The following PPARGC1B variants were observed in gnomAD, a reference collection of about 807,000 sequenced individuals.
PPARGC1B encodes the protein peroxisome proliferator-activated receptor gamma coactivator 1-beta.
PPARGC1B carries 34 observed loss-of-function variants against 101.6 expected under a neutral mutation model. The ratio of observed to expected loss-of-function variants is 0.33; its 90% CI spans 0.25 to 0.45. The LOEUF is 0.45. Ranked by LOEUF, PPARGC1B falls within the 20% of genes least tolerant of loss-of-function variation. PPARGC1B has a pLI of 1.00. For synonymous variants in PPARGC1B, 548 were observed against 539.3 expected (o/e 1.02, Z -0.22); for missense variants, 1,234 against 1,317.6 (o/e 0.94, Z 0.98).
rs139734342 is a variant in PPARGC1B, at chr5:149,801,270, C to T, written c.79-19163C>T. ...TAAATGCTTAATTTCCCAGTGTGCT[C>T]AGCTCCAGAAGCCTCTGTACCTTCA... On this transcript the variant is annotated intron_variant, in intron 1 of 11. Coordinates refer to ENST00000309241, the MANE Select transcript of PPARGC1B (RefSeq NM_133263.4). Among the ~76,000 whole-genome samples, 731 of 152,324 alleles carry T rather than the reference C, an allele frequency of 4.8e-3. 5 individuals are homozygous for T. Among genetic ancestry groups the T allele is most frequent in the African/African-American group, 0.017 (708 of 41,562 alleles).
intron 1 of PPARGC1B, among the ~76,000 whole-genome samples, chr5:149,813,079 A>G (rs1757924035): frequency 6.6e-6 from 1 of 152,092 alleles, no homozygotes; most frequent in Non-Finnish European, 1.5e-5. Flanking sequence ...TCAATTAGTA[A>G]CAGCTGCTGA....
At chr5:149,802,668 A>G (rs1757467996) in intron 1 of PPARGC1B, among the ~76,000 whole-genome samples, 1 of 150,936 alleles carries the variant, frequency 6.6e-6, no homozygotes, top group Non-Finnish European at 1.5e-5. Flanking sequence ...AGGCATACAC[A>G]GCTTTATCTC....
intron 10 of PPARGC1B, among the ~76,000 whole-genome samples, chr5:149,845,468 TC>T (rs1485460482): frequency 1.3e-5 from 2 of 152,210 alleles, no homozygotes; most frequent in Non-Finnish European, 2.9e-5. Flanking sequence ...AGAACCTCTT[TC>T]CTCATCTGCA....
chr5:149,785,973 G>A (rs374188418), intron 1 of PPARGC1B, among the ~76,000 whole-genome samples: 20 of 150,636 alleles, frequency 1.3e-4, no homozygotes, highest in Admixed American at 1.1e-3. Flanking sequence ...CCAGGCTAGA[G>A]TACAGTGGTG....
chr5:149,732,045 GGTGTGTGT>G (rs3042304), intron 1 of PPARGC1B, among the ~76,000 whole-genome samples: 25,049 of 148,912 alleles, frequency 0.17, 2,282 homozygotes, highest in Admixed American at 0.27. Flanking sequence ...TGCGCGCGCG[GGTGTGTGT>G]GTGTGTGTGT....
chr5:149,845,386 G>A (rs1345392156), intron 10 of PPARGC1B, among the ~76,000 whole-genome samples: 1 of 152,220 alleles, frequency 6.6e-6, no homozygotes, highest in East Asian at 1.9e-4. Flanking sequence ...AAGAGCATCA[G>A]CTTTAATGTC....
At position 149,851,150 on chromosome 5, in the gene PPARGC1B, G is replaced by T. The variant is rs1759748015; in HGVS notation, c.*3592G>T. ...GAATGCTCTGAGCTGCAAAGACCCA[G>T]TACTCAAGTTCTGACGTGGGAGGAG... On this transcript the variant is annotated 3_prime_UTR_variant, in exon 12 of 12. Coordinates refer to ENST00000309241, the MANE Select transcript of PPARGC1B (RefSeq NM_133263.4). 1 of 152,292 alleles carries T rather than the reference G, an allele frequency of 6.6e-6. No individual in the cohort carries two copies. Among genetic ancestry groups the T allele is most frequent in the African/African-American group, 2.4e-5 (1 of 41,460 alleles). The allele number at this position is 152,292 out of a possible 1,614,324, so 9.4% of individuals were successfully genotyped here. A position where few individuals can be genotyped will look rare whatever the true frequency, so the allele number is the denominator to read the frequency against.
chr5:149,782,432 G>A (rs868399980), intron 1 of PPARGC1B, among the ~76,000 whole-genome samples: 6 of 152,224 alleles, frequency 3.9e-5, no homozygotes, highest in African/African-American at 9.6e-5. Flanking sequence ...AGATCCAAAT[G>A]ACTCAGAAAT....
chr5:149,761,680 T>G (rs1280916769), intron 1 of PPARGC1B: 1 of 152,224 alleles, frequency 6.6e-6, no homozygotes, highest in Non-Finnish European at 1.5e-5. Context: ...TTGTGTAGCA[T>G]GGATGAACCT....
Position 149,835,420 on chromosome 5 carries a change from CTG to C in PPARGC1B, c.1807+56_1807+57del. On this transcript the variant is annotated intron_variant, in intron 7 of 11. Transcript: ENST00000309241. The stretch of plus-strand genomic sequence containing the variant: ...CCTTCAGGAAAACACCCGTGCATCT[CTG>C]AGTTTTTCATCATGCATGGGCAAGG... The C allele has an allele frequency of 2.0e-6, 3 of 1,508,426 alleles. No homozygotes were observed. In the Admixed American group the frequency reaches 5.1e-5, roughly 26 times the overall value. 93.4% of individuals were successfully genotyped at this position (1,508,426 alleles called of 1,614,324 possible).
At chr5:149,732,251 G>A (rs1420242426) in intron 1 of PPARGC1B, among the ~76,000 whole-genome samples, 1 of 152,202 alleles carries the variant, frequency 6.6e-6, no homozygotes, top group African/African-American at 2.4e-5. Context: ...CACTGAGTGC[G>A]GGAGGAGGGG....
intron 1 of PPARGC1B, among the ~76,000 whole-genome samples, chr5:149,789,951 A>C (rs929471905): frequency 6.6e-6 from 1 of 152,172 alleles, no homozygotes; most frequent in African/African-American, 2.4e-5. Context: ...GTAAGGAAGG[A>C]GAAGCAATGT....
At chr5:149,752,269 A>C (rs1755335240) in intron 1 of PPARGC1B, among the ~76,000 whole-genome samples, 1 of 152,140 alleles carries the variant, frequency 6.6e-6, no homozygotes. Flanking sequence ...AGGCATTTAA[A>C]CTCAGCCTTC....
rs964326486 is a variant in PPARGC1B, at chr5:149,839,168, G to A, written c.2619-873G>A. Among the ~76,000 whole-genome samples, 18 of 152,174 alleles carry A rather than the reference G, an allele frequency of 1.2e-4. 1 individual carries two copies. The highest frequency in any genetic ancestry group is 2.9e-4 in the African/African-American group (12 of 41,438). ...GCAAATATTTACGGAGCAGTTCCTG[G>A]GCTAAGCATTGACATGCACTTTTAA... On this transcript the variant is annotated intron_variant, in intron 8 of 11. Coordinates refer to ENST00000309241, the MANE Select transcript of PPARGC1B (RefSeq NM_133263.4).
chr5:149,801,976 G>A (rs1416297615), intron 1 of PPARGC1B, among the ~76,000 whole-genome samples: 1 of 152,194 alleles, frequency 6.6e-6, no homozygotes, highest in African/African-American at 2.4e-5. Context: ...CCCTAAGCAG[G>A]TGGGTGTACC....
intron 1 of PPARGC1B, among the ~76,000 whole-genome samples, chr5:149,757,639 G>A (rs1755581102): frequency 6.6e-6 from 1 of 152,224 alleles, no homozygotes; most frequent in Admixed American, 6.5e-5. Flanking sequence ...TCGACACAAA[G>A]TCAATTTCCA....
chr5:149,831,206 G>T (rs781449332), intron 4 of PPARGC1B, among the ~76,000 whole-genome samples: 1 of 152,188 alleles, frequency 6.6e-6, no homozygotes. Context: ...GCAAGATTGC[G>T]CTGGTTGTGG....
chr5:149,799,407 G>A (rs563045618), intron 1 of PPARGC1B, among the ~76,000 whole-genome samples: 15 of 152,242 alleles, frequency 9.9e-5, no homozygotes, highest in Admixed American at 2.6e-4. Context: ...GGCTTCAGGA[G>A]GCATGGACCA....
At chr5:149,818,993 C>G (rs751834821) in intron 1 of PPARGC1B, 1 of 406,760 alleles carries the variant, frequency 2.5e-6, no homozygotes. Flanking sequence ...CTGTGTCAGC[C>G]CCCCAACTCA....
Sources: gnomAD v4.1 joint callset for allele counts (sites outside exome capture counted in the v4.1 genomes callset) on GRCh38, gnomAD v4.1.1 for gene constraint, MANE v1.5 for transcripts, NCBI Gene and HGNC (gene_info 2026-07-23, HGNC 2026-07-21) for gene names.